CDH13: variants seen among roughly 807,000 people sequenced by gnomAD.
CDH13 encodes cadherin 13.
Under a neutral mutation model 63.8 loss-of-function variants are expected in CDH13, and 24 were observed. The observed-to-expected ratio is 0.38, with a 90% CI of 0.27 to 0.53. CDH13 has a LOEUF of 0.53. Among genes scored for constraint, CDH13 ranks in the 20% least tolerant of loss-of-function variants. The pLI is 0.85. For missense variants in CDH13, 1,049 were observed against 903.1 expected (o/e 1.16, Z -2.07); for synonymous variants, 503 against 355.3 (o/e 1.42, Z -4.67).
intron 4 of CDH13, among the ~76,000 whole-genome samples, chr16:83,158,732 C>A (rs1194343039): frequency 2.0e-5 from 3 of 152,222 alleles, no homozygotes; most frequent in Admixed American, 2.0e-4. Context: ...AGGTGCCCAG[C>A]TGGGTCGCAC....
At position 82,845,128 on chromosome 16, in the gene CDH13, G is replaced by T. The variant is rs575264907; in HGVS notation, c.46-13234G>T. On this transcript the variant is annotated intron_variant, in intron 1 of 13. Transcript: ENST00000567109. ...GGAGTAAGGAAGGATGAGAAGGCAG[G>T]AAAGGAGAGAGAACCAATATATTAA... Among the ~76,000 whole-genome samples, 11 of 152,248 alleles carry T rather than the reference G, an allele frequency of 7.2e-5. No individual in the cohort carries two copies. The East Asian group carries it at 2.1e-3, about 29-fold the overall frequency.
intron 1 of CDH13, among the ~76,000 whole-genome samples, chr16:82,691,490 C>T (rs117728050): frequency 2.6e-5 from 4 of 152,134 alleles, no homozygotes; most frequent in South Asian, 2.1e-4. Context: ...CCATTAACTT[C>T]GGCAGTACCT....
chr16:82,799,679 G>T (rs2036756716), intron 1 of CDH13, among the ~76,000 whole-genome samples: 1 of 152,178 alleles, frequency 6.6e-6, no homozygotes, highest in African/African-American at 2.4e-5. Flanking sequence ...CTCTAATTCA[G>T]TGTGGGATTT....
chr16:83,136,064 A>T (rs1352733779), intron 4 of CDH13, among the ~76,000 whole-genome samples: 1 of 152,026 alleles, frequency 6.6e-6, no homozygotes, highest in Admixed American at 6.6e-5. Flanking sequence ...TGTAAACAGG[A>T]TGCCGTGTAT....
intron 10 of CDH13, among the ~76,000 whole-genome samples, chr16:83,739,594 A>G (rs1170878571): frequency 6.6e-6 from 1 of 152,186 alleles, no homozygotes; most frequent in Non-Finnish European, 1.5e-5. Flanking sequence ...CTTTGACAGC[A>G]TGTATCAGAT....
chr16:82,938,958 C>T (rs1436951509), intron 2 of CDH13, among the ~76,000 whole-genome samples: 1 of 152,140 alleles, frequency 6.6e-6, no homozygotes, highest in Non-Finnish European at 1.5e-5. Context: ...ATCACACCTG[C>T]CACATACACA....
chr16:83,092,203 T>C (rs564236710), intron 3 of CDH13, among the ~76,000 whole-genome samples: 6 of 152,334 alleles, frequency 3.9e-5, no homozygotes, highest in African/African-American at 1.4e-4. Context: ...AAAGAACTTA[T>C]CCAAAGTGAC....
intron 2 of CDH13, among the ~76,000 whole-genome samples, chr16:82,863,107 C>G (rs1393402288): frequency 1.3e-5 from 2 of 152,158 alleles, no homozygotes; most frequent in African/African-American, 4.8e-5. Flanking sequence ...GGATCACAGT[C>G]TCTACAAAGA....
chr16:82,655,223 C>T (rs1034002075), intron 1 of CDH13, among the ~76,000 whole-genome samples: 1 of 152,158 alleles, frequency 6.6e-6, no homozygotes, highest in Non-Finnish European at 1.5e-5. Flanking sequence ...GCTTTATTGG[C>T]AGAGGCAAAC....
At chr16:83,560,924 G>A (rs2075694170) in intron 7 of CDH13, among the ~76,000 whole-genome samples, 1 of 151,982 alleles carries the variant, frequency 6.6e-6, no homozygotes, top group African/African-American at 2.4e-5. Flanking sequence ...CAGGGGCTGA[G>A]GGTTGGGCAG....
intron 6 of CDH13, among the ~76,000 whole-genome samples, chr16:83,359,364 T>A (rs1263720981): frequency 6.6e-6 from 1 of 152,160 alleles, no homozygotes; most frequent in Non-Finnish European, 1.5e-5. Flanking sequence ...GATATCAGGC[T>A]TTGAGCACCA....
intron 1 of CDH13, among the ~76,000 whole-genome samples, chr16:82,850,694 CGTT>C (rs1567599357): frequency 2.0e-5 from 3 of 152,138 alleles, no homozygotes; most frequent in African/African-American, 7.2e-5. Flanking sequence ...TGGCAAACCT[CGTT>C]GTTTTCTTAT....
intron 5 of CDH13, among the ~76,000 whole-genome samples, chr16:83,234,460 G>A (rs975987729): frequency 6.6e-6 from 1 of 152,108 alleles, no homozygotes; most frequent in Non-Finnish European, 1.5e-5. Context: ...AATTGATAAC[G>A]CAGGGTCAGT....
chr16:82,881,572 C>G (rs1022658076), intron 2 of CDH13, among the ~76,000 whole-genome samples: 4 of 152,192 alleles, frequency 2.6e-5, no homozygotes, highest in African/African-American at 9.7e-5. Context: ...CCATAGAGGA[C>G]TGACAGGTGA....
At position 83,567,354 on chromosome 16, in the gene CDH13, G is replaced by C. The variant is rs191401534; in HGVS notation, c.961-35100G>C. The stretch of plus-strand genomic sequence containing the variant: ...ACTCACACAGACTAGAGATAAATCA[G>C]AGATGAATGAGTGCCCCCTTGAGTC... On this transcript the variant is annotated intron_variant, in intron 7 of 13. Transcript: ENST00000567109. 3.0e-3 allele frequency among the ~76,000 whole-genome samples: 462 copies of C among 152,312 alleles called. 3 individuals carry two copies. The highest frequency in any genetic ancestry group is 0.011 in the African/African-American group (442 of 41,570).
At chr16:83,212,903 A>G (rs2151781100) in intron 4 of CDH13, among the ~76,000 whole-genome samples, 1 of 152,272 alleles carries the variant, frequency 6.6e-6, no homozygotes, top group South Asian at 2.1e-4. Context: ...GAGACCAATT[A>G]GTCTAGAGAA....
chr16:82,974,735 A>G (rs530174477), intron 2 of CDH13, among the ~76,000 whole-genome samples: 72 of 152,282 alleles, frequency 4.7e-4, no homozygotes, highest in Non-Finnish European at 4.1e-4. Context: ...GTCTTTGAAG[A>G]TAGAGGAAGG....
At chr16:83,773,664 T>C (rs1434477473) in intron 11 of CDH13, among the ~76,000 whole-genome samples, 2 of 152,172 alleles carry the variant, frequency 1.3e-5, no homozygotes, top group Non-Finnish European at 2.9e-5. Context: ...CTCTAGAGTC[T>C]GAAAGAAGCC....
At position 83,486,510 on chromosome 16, in the gene CDH13, C is replaced by G. The variant is rs1013486032; in HGVS notation, c.815C>G (p.Ala272Gly). The G allele has an allele frequency of 3.0e-5, 48 of 1,613,570 alleles. 1 individual carries two copies. The highest frequency in any genetic ancestry group is 4.1e-5 in the Non-Finnish European group (48 of 1,179,748). The stretch of plus-strand genomic sequence containing the variant: ...GTGATGCGGATGACAGCCTTTGATG[C>G]AGATGACCCAGCCACCGATAATGCC... Reference protein sequence around the residue: ...TTVMRMTAFDADDPATDNALL... With the variant: ...TTVMRMTAFDGDDPATDNALL... Residue 272 changes from alanine to glycine, a missense_variant, in exon 7 of 14, where the codon GCA becomes GGA. Physicochemically the swap from Ala to Gly is moderately conservative, Grantham distance 60. Coordinates refer to ENST00000567109, the MANE Select transcript of CDH13 (RefSeq NM_001257.5).
Sources: gnomAD v4.1 joint callset for allele counts (sites outside exome capture counted in the v4.1 genomes callset) on GRCh38, gnomAD v4.1.1 for gene constraint, MANE v1.5 for transcripts, NCBI Gene and HGNC (gene_info 2026-07-23, HGNC 2026-07-21) for gene names.